SMARCD3: variants seen among roughly 807,000 people sequenced by gnomAD.
The protein encoded by SMARCD3 is SWI/SNF related BAF chromatin remodeling complex subunit D3, also known as SWI/SNF-related matrix-associated actin-dependent regulator of chromatin subfamily D member 3.
A neutral mutation model predicts 58.0 loss-of-function variants in SMARCD3; 14 were observed. That is an observed-to-expected ratio of 0.24 (90% CI 0.16 to 0.38). The LOEUF (loss-of-function observed/expected upper bound fraction) is 0.38. Ranked by LOEUF, SMARCD3 falls within the 10% of genes least tolerant of loss-of-function variation. The pLI, the probability that SMARCD3 is intolerant of heterozygous loss-of-function variation, is 1.00. For missense variants in SMARCD3, 408 were observed against 636.9 expected (o/e 0.64, Z 3.87); for synonymous variants, 253 against 253.8 (o/e 1.00, Z 0.03).
rs748839238 is a variant in SMARCD3 at position 151,242,595 on chromosome 7, C to T, written c.465G>A (p.Arg155=). 6.2e-7 allele frequency: 1 copy of T among 1,613,230 alleles called. No homozygotes were observed. Among genetic ancestry groups the T allele is most frequent in the Non-Finnish European group, 8.5e-7 (1 of 1,179,174 alleles). The change falls in exon 5 of 13, where the codon CGG becomes CGA. Residue 155 remains arginine (R), a synonymous_variant. Coordinates refer to ENST00000262188, the MANE Select transcript of SMARCD3 (RefSeq NM_001003801.2). This position sits in a 1 kb window ranked among gnomAD's most constrained non-coding sequence, Gnocchi z 4.7. ...TGTTGGAGATATAGAGTCGCAGCTT[C>T]CGCTTTTGCTGTAGAAATAGAGTGC... ...EALKRPMKQK[R]KLRLYISNTF...
intron 2 of SMARCD3, among the ~76,000 whole-genome samples, chr7:151,259,293 G>A (rs529796599): frequency 4.4e-4 from 66 of 150,730 alleles, no homozygotes; most frequent in Admixed American, 1.3e-3. Context: ...CAGAGGTTGC[G>A]GTGAGCTGAG....
chr7:151,269,535 G>A (rs1464205833), intron 2 of SMARCD3, among the ~76,000 whole-genome samples: 1 of 152,188 alleles, frequency 6.6e-6, no homozygotes. Flanking sequence ...CTGTGGGCTG[G>A]AAAGATGGGC....
At chr7:151,264,529 C>A (rs758175364) in intron 2 of SMARCD3, among the ~76,000 whole-genome samples, 5 of 152,154 alleles carry the variant, frequency 3.3e-5, no homozygotes, top group Admixed American at 6.5e-5. Flanking sequence ...ACACAAGAAG[C>A]CACCATACCA....
Position 151,248,297 on chromosome 7 carries a change from G to A in SMARCD3, c.78+188C>T, listed in dbSNP as rs1206012881. On this transcript the variant is annotated intron_variant, in intron 1 of 12. Coordinates refer to ENST00000262188, the MANE Select transcript of SMARCD3 (RefSeq NM_001003801.2). This position sits in a 1 kb window ranked among gnomAD's most constrained non-coding sequence, Gnocchi z 6.1. The stretch of plus-strand genomic sequence containing the variant: ...CCCTTCCCCGCCTCGCGTCAGACCC[G>A]GCCGGCCGCCTGGCGACGTGTTCGG... 8.4e-6 allele frequency among the ~76,000 whole-genome samples: 1 copy of A among 119,512 alleles called. No individual in the cohort carries two copies. The allele number at this position is 119,512 out of a possible 152,430, so 78.4% of individuals were successfully genotyped here.
upstream of SMARCD3, chr7:151,248,733 G>C (rs1181164708): frequency 6.8e-6 from 8 of 1,184,950 alleles, no homozygotes; most frequent in Middle Eastern, 3.3e-4. The surrounding 1 kb of genome is among the most constrained non-coding windows in gnomAD (Gnocchi z 6.1). Context: ...GACGGCCCAC[G>C]GCCCACGCCG....
chr7:151,255,059 C>A (rs541327861), intron 2 of SMARCD3, among the ~76,000 whole-genome samples: 1 of 152,168 alleles, frequency 6.6e-6, no homozygotes, highest in African/African-American at 2.4e-5. Context: ...CCACTCTGCA[C>A]CACGGGGCCA....
Position 151,270,442 on chromosome 7 carries a change from C to A in SMARCD3, c.39+4672G>T, listed in dbSNP as rs116535375. ...CATTTGCTCATTCATTCAAGAAATA[C>A]TTCTCTGTACTGTGTGGAACAAGAC... On this transcript the variant is annotated intron_variant, in intron 2 of 13. Coordinates refer to the SMARCD3 transcript ENST00000356800. 4.2e-3 allele frequency among the ~76,000 whole-genome samples: 641 copies of A among 152,328 alleles called. 5 individuals are homozygous for A. The highest frequency in any genetic ancestry group is 0.015 in the African/African-American group (606 of 41,576).
At chr7:151,258,825 C>G (rs916584490) in intron 2 of SMARCD3, among the ~76,000 whole-genome samples, 4 of 152,094 alleles carry the variant, frequency 2.6e-5, no homozygotes, top group Non-Finnish European at 5.9e-5. Flanking sequence ...CCAGGATGCT[C>G]TTCCTCTGGC....
intron 2 of SMARCD3, among the ~76,000 whole-genome samples, chr7:151,269,352 G>A (rs1235574884): frequency 6.6e-6 from 1 of 152,182 alleles, no homozygotes; most frequent in Non-Finnish European, 1.5e-5. Context: ...ACACACCCTC[G>A]AGTCCCCTGC....
chr7:151,260,746 T>C (rs1803891134), intron 2 of SMARCD3, among the ~76,000 whole-genome samples: 1 of 152,156 alleles, frequency 6.6e-6, no homozygotes, highest in African/African-American at 2.4e-5. Context: ...CACTTGGTGC[T>C]AGGTTTGGAG....
In SMARCD3 at chr7:151,242,930, A is replaced by G. The variant is rs1803072555; in HGVS notation, c.334-87T>C. The G allele has an allele frequency of 1.3e-6, 2 of 1,515,820 alleles. No homozygotes were observed. The highest frequency in any genetic ancestry group is 2.5e-5 in the South Asian group (2 of 80,944). 93.9% of individuals were successfully genotyped at this position (1,515,820 alleles called of 1,614,324 possible). ...TATGCATGTTGTGCAATCCTAGGGT[A>G]CAAAAGATGTCAGGGGAGCCATCCT... On this transcript the variant is annotated intron_variant, in intron 3 of 12. Coordinates refer to ENST00000262188, the MANE Select transcript of SMARCD3 (RefSeq NM_001003801.2). This position sits in a 1 kb window ranked among gnomAD's most constrained non-coding sequence, Gnocchi z 4.7.
In SMARCD3 at chr7:151,242,587, C is replaced by T. The variant is rs756509887; in HGVS notation, c.473G>A (p.Arg158Gln). ...KRPMKQKRKL[R>Q]LYISNTFNPA... ...GTTAAAAGTGTTGGAGATATAGAGT[C>T]GCAGCTTCCGCTTTTGCTGTAGAAA... Residue 158 changes from arginine to glutamine, a missense_variant, in exon 5 of 13, where the codon CGA (arginine) becomes CAA (glutamine). Transcript: ENST00000262188. This position sits in a 1 kb window ranked among gnomAD's most constrained non-coding sequence, Gnocchi z 4.7. 8 of 1,613,164 alleles carry T rather than the reference C, an allele frequency of 5.0e-6. No individual in the cohort carries two copies. In the Admixed American group the frequency reaches 6.7e-5, roughly 13 times the overall value.
rs563747494 is a variant in SMARCD3, at chr7:151,246,922, C to A, written c.79-1251G>T. ...ACTGTTAACATGGACACACCACCCA[C>A]CTCACCCCCAGGCATGAGGAGGGGC... On this transcript the variant is annotated intron_variant, in intron 1 of 12. Transcript: ENST00000262188. The surrounding 1 kb of genome is among the most constrained non-coding windows in gnomAD (Gnocchi z 4.4). 5.3e-4 allele frequency among the ~76,000 whole-genome samples: 81 copies of A among 152,216 alleles called. 1 individual carries two copies. In the South Asian group the frequency reaches 0.016, roughly 30 times the overall value.
At position 151,239,569 on chromosome 7, in the gene SMARCD3, T is replaced by C; in HGVS notation, c.1296+55A>G. On this transcript the variant is annotated intron_variant, in intron 11 of 12. Transcript: ENST00000262188. The surrounding 1 kb of genome is among the most constrained non-coding windows in gnomAD (Gnocchi z 7.0). Reference sequence around the variant, plus strand: ...TGCCCCTGGAGTACAACGTTTACTCTCTTTCCCGCTGTGCTTGTCTTCCAC... The same window carrying C: ...TGCCCCTGGAGTACAACGTTTACTCCCTTTCCCGCTGTGCTTGTCTTCCAC... 1 of 1,612,854 alleles carries C rather than the reference T, an allele frequency of 6.2e-7. No individual in the cohort carries two copies. The highest frequency in any genetic ancestry group is 8.5e-7 in the Non-Finnish European group (1 of 1,179,024).
upstream of SMARCD3, chr7:151,248,766 G>GC: frequency 5.2e-6 from 5 of 961,822 alleles, no homozygotes; most frequent in Non-Finnish European, 6.4e-6. The surrounding 1 kb of genome is among the most constrained non-coding windows in gnomAD (Gnocchi z 6.1). Context: ...CGCCGCCGCC[G>GC]CCGCCGCCGC....
chr7:151,247,632 C>T (rs1478704579), intron 1 of SMARCD3, among the ~76,000 whole-genome samples: 2 of 152,150 alleles, frequency 1.3e-5, no homozygotes, highest in African/African-American at 2.4e-5. Context: ...TTCCTCTACA[C>T]AGGGCCTCCA....
rs1465000807 is a variant in SMARCD3, at chr7:151,246,537, AG to A, written c.79-867del. ...TGCCCAGGGGGGCCTGGGGTGGGTCAGGGCAGTGACACTTGCACTCACATTT... is the reference window on the plus strand; with the variant it reads ...TGCCCAGGGGGGCCTGGGGTGGGTCAGGCAGTGACACTTGCACTCACATTT... On this transcript the variant is annotated intron_variant, in intron 1 of 12. Transcript: ENST00000262188. This position sits in a 1 kb window ranked among gnomAD's most constrained non-coding sequence, Gnocchi z 4.4. 6.6e-6 allele frequency among the ~76,000 whole-genome samples: 1 copy of A among 152,130 alleles called. No individual in the cohort carries two copies.
rs780502038 is a variant in SMARCD3, at chr7:151,240,224, T to G, written c.1061A>C (p.Lys354Thr). 2.4e-5 allele frequency: 39 copies of G among 1,614,006 alleles called. No homozygotes were observed. Among genetic ancestry groups the G allele is most frequent in the Admixed American group, 8.3e-5 (5 of 60,000 alleles). The change falls in exon 10 of 13, where the codon AAG becomes ACG. Residue 354 changes from lysine (K) to threonine (T), a missense_variant. This residue lies in a region of SMARCD3 where 115 missense variants were observed against 257.2 expected (regional missense o/e 0.45). Transcript: ENST00000262188. ...CACGTCAATGTCATAGCACGCCGTCTTCTTCTGGTCTGAAGGGTCCACGCT... is the reference window on the plus strand; with the variant it reads ...CACGTCAATGTCATAGCACGCCGTCGTCTTCTGGTCTGAAGGGTCCACGCT... ...VISVDPSDQK[K>T]TACYDIDVEV...
Position 151,241,739 on chromosome 7 carries a change from G to T in SMARCD3, c.778-86C>A. 1 of 1,408,402 alleles carries T rather than the reference G, an allele frequency of 7.1e-7. No homozygotes were observed. Among genetic ancestry groups the T allele is most frequent in the Non-Finnish European group, 9.9e-7 (1 of 1,011,562 alleles). The allele number at this position is 1,408,402 out of a possible 1,614,324, so 87.2% of individuals were successfully genotyped here. A position where few individuals can be genotyped will look rare whatever the true frequency, so the allele number is the denominator to read the frequency against. ...AGGCCATTCAGGACTAGGGGGATGT[G>T]TTGATTGAGGAAACATGCCCCTGGG... On this transcript the variant is annotated intron_variant, in intron 7 of 12. Transcript: ENST00000262188. This position sits in a 1 kb window ranked among gnomAD's most constrained non-coding sequence, Gnocchi z 5.3.
Sources: gnomAD v4.1 joint callset for allele counts (sites outside exome capture counted in the v4.1 genomes callset) on GRCh38, gnomAD v4.1.1 for gene constraint, gnomAD v4.1.1 regional missense constraint, Gnocchi (gnomAD v3.1) non-coding constraint, MANE v1.5 for transcripts, NCBI Gene and HGNC (gene_info 2026-07-23, HGNC 2026-07-21) for gene names.